DDI2: variants seen among roughly 807,000 people sequenced by gnomAD.
DDI2 encodes the protein DDI proteasomal shuttling factor 2, also known as protein DDI1 homolog 2.
A neutral mutation model predicts 48.1 loss-of-function variants in DDI2; 5 were observed. The observed-to-expected ratio is 0.10, with a 90% CI of 0.05 to 0.22. The LOEUF is 0.22. Ranked by LOEUF, DDI2 falls within the 10% of genes least tolerant of loss-of-function variation. The probability of loss-of-function intolerance (pLI) is 1.00; values close to 1 mark genes in which losing one functional copy is unlikely to be tolerated. For missense variants in DDI2, 285 were observed against 506.2 expected, an observed-to-expected ratio of 0.56 and a Z score of 4.19; for synonymous variants, 205 against 183.6, an observed-to-expected ratio of 1.12 and a Z score of -0.94.
chr1:15,659,923 C>A lies in DDI2; in HGVS notation c.*133C>A. On this transcript the variant is annotated 3_prime_UTR_variant, in exon 10 of 10. Transcript: ENST00000480945. ...TAACCATCCCGCCCGTTCTTCAGGA[C>A]AGAGTCCTGATGTTGGTAATCCTAT... 6.2e-7 allele frequency: 1 copy of A among 1,611,748 alleles called. No homozygotes were observed.
At chr1:15,653,798 G>C (rs1640229903) in intron 8 of DDI2, among the ~76,000 whole-genome samples, 4 of 152,092 alleles carry the variant, frequency 2.6e-5, no homozygotes, top group Admixed American at 2.6e-4. Flanking sequence ...TGCCTGACCA[G>C]CATAATTGAA....
At chr1:15,632,082 G>GCGTGAGCCACCACTCCCAGCT (rs1639855329) in intron 3 of DDI2, among the ~76,000 whole-genome samples, 2 of 151,990 alleles carry the variant, frequency 1.3e-5, no homozygotes, top group African/African-American at 4.8e-5. Flanking sequence ...GAGATTACAG[G>GCGTGAGCCACCACTCCCAGCT]CGTGAGCCAC....
chr1:15,641,551 A>G (rs1218255608), intron 5 of DDI2, among the ~76,000 whole-genome samples: 2 of 152,198 alleles, frequency 1.3e-5, no homozygotes, highest in African/African-American at 4.8e-5. Flanking sequence ...AAGGGTCACA[A>G]CAATATCCTT....
Position 15,666,876 on chromosome 1 carries a change from A to G in DDI2, c.*7086A>G, listed in dbSNP as rs1006444034. On this transcript the variant is annotated 3_prime_UTR_variant, in exon 10 of 10. Coordinates refer to ENST00000480945, the MANE Select transcript of DDI2 (RefSeq NM_032341.5). Reference sequence around the variant, plus strand: ...GCAGACTGGGAAAATCAGGCTTACAATGGAATCAGATGCTGTGGGCCTAAA... The same window carrying G: ...GCAGACTGGGAAAATCAGGCTTACAGTGGAATCAGATGCTGTGGGCCTAAA... 8 of 152,218 alleles carry G rather than the reference A, an allele frequency of 5.3e-5. No individual in the cohort carries two copies. The highest frequency in any genetic ancestry group is 1.9e-4 in the African/African-American group (8 of 41,462). The allele number at this position is 152,218 out of a possible 1,614,324, so 9.4% of individuals were successfully genotyped here. A position where few individuals can be genotyped will look rare whatever the true frequency, so the allele number is the denominator to read the frequency against.
intron 1 of DDI2, among the ~76,000 whole-genome samples, chr1:15,620,851 A>C (rs1414586883): frequency 1.3e-5 from 2 of 152,200 alleles, no homozygotes; most frequent in African/African-American, 4.8e-5. Flanking sequence ...AACTAAAATA[A>C]ATGGAAATGA....
Position 15,661,571 on chromosome 1 carries a change from C to G in DDI2, c.*1781C>G, listed in dbSNP as rs752233971. The G allele has an allele frequency of 8.1e-6, 13 of 1,614,218 alleles. No homozygotes were observed. In the South Asian group the frequency reaches 1.3e-4, roughly 16 times the overall value. ...CCATCATCAAGTCCTGCCATTCTTC[C>G]ACCATTGATTTTTCCTGCCACAGAT... is the stretch of plus-strand genomic sequence containing the variant. On this transcript the variant is annotated 3_prime_UTR_variant, in exon 10 of 10. Coordinates refer to ENST00000480945, the MANE Select transcript of DDI2 (RefSeq NM_032341.5).
intron 4 of DDI2, among the ~76,000 whole-genome samples, chr1:15,635,437 G>T (rs1174067931): frequency 2.0e-5 from 3 of 152,122 alleles, no homozygotes; most frequent in Non-Finnish European, 4.4e-5. Context: ...ACGGAGTCTT[G>T]CTCTGTCGCC....
chr1:15,646,077 G>T (rs1431640874), intron 6 of DDI2, among the ~76,000 whole-genome samples: 1 of 152,160 alleles, frequency 6.6e-6, no homozygotes, highest in Non-Finnish European at 1.5e-5. Flanking sequence ...GCTCACCTCT[G>T]TTAAGAGTGC....
intron 4 of DDI2, among the ~76,000 whole-genome samples, chr1:15,636,549 T>C (rs1341849007): frequency 6.6e-6 from 1 of 151,230 alleles, no homozygotes; most frequent in Non-Finnish European, 1.5e-5. Flanking sequence ...CCTAGCTCAC[T>C]GCAGCCTCAG....
At chr1:15,654,346 G>A (rs951477060) in intron 8 of DDI2, among the ~76,000 whole-genome samples, 1 of 152,078 alleles carries the variant, frequency 6.6e-6, no homozygotes, top group African/African-American at 2.4e-5. Flanking sequence ...TTTTGGCTTA[G>A]TTTTATGTAT....
In DDI2 at chr1:15,631,104, A is replaced by G. The variant is rs56897890; in HGVS notation, c.505+543A>G. On this transcript the variant is annotated intron_variant, in intron 3 of 9. Transcript: ENST00000480945. ...GTGATCCGCCTGCCTCGGCCTCCCA[A>G]AGTGCTGGGATTACAGGTGTGAGCC... 5.9e-3 allele frequency among the ~76,000 whole-genome samples: 899 copies of G among 152,262 alleles called. 9 individuals carry two copies. Among genetic ancestry groups the G allele is most frequent in the African/African-American group, 0.02 (846 of 41,546 alleles).
At chr1:15,642,392 A>G (rs988312911) in intron 5 of DDI2, among the ~76,000 whole-genome samples, 3 of 152,344 alleles carry the variant, frequency 2.0e-5, no homozygotes, top group Non-Finnish European at 4.4e-5. Flanking sequence ...GGAAGACTGC[A>G]TGATTTATTA....
Position 15,665,305 on chromosome 1 carries a change from A to C in DDI2, c.*5515A>C, listed in dbSNP as rs1245041429. 6.6e-6 allele frequency: 1 copy of C among 152,622 alleles called. No homozygotes were observed. Among genetic ancestry groups the C allele is most frequent in the African/African-American group, 2.4e-5 (1 of 41,196 alleles). The allele number at this position is 152,622 out of a possible 1,614,324, so 9.5% of individuals were successfully genotyped here. On this transcript the variant is annotated 3_prime_UTR_variant, in exon 10 of 10. Transcript: ENST00000480945. The stretch of plus-strand genomic sequence containing the variant: ...AGGTAACCAGTTGCTTGGCAAAGGA[A>C]GCTGGAGAGATGGCGAGTGCATGTG...
At chr1:15,624,123 A>C (rs1639715378) in intron 1 of DDI2, among the ~76,000 whole-genome samples, 1 of 152,206 alleles carries the variant, frequency 6.6e-6, no homozygotes, top group African/African-American at 2.4e-5. Context: ...GTATCTCTAA[A>C]TATACTGATA....
chr1:15,626,687 C>CCT lies in DDI2; in HGVS notation c.161_162dup (p.Thr55SerfsTer13). 6.2e-7 allele frequency: 1 copy of CCT among 1,614,046 alleles called. No homozygotes were observed. Among genetic ancestry groups the CCT allele is most frequent in the Non-Finnish European group, 8.5e-7 (1 of 1,179,986 alleles). On this transcript the variant is annotated frameshift_variant, in exon 2 of 10. Transcript: ENST00000480945. LOFTEE classifies it high-confidence loss of function. ...GTTGTAGATCGTCTATGCGGAAAGA[C>CCT]CTCTCACAGACAACCACAGATCATT...
At chr1:15,651,272 TA>T (rs1640177929) in intron 7 of DDI2, among the ~76,000 whole-genome samples, 1 of 152,200 alleles carries the variant, frequency 6.6e-6, no homozygotes, top group African/African-American at 2.4e-5. Context: ...TTTATAGATG[TA>T]AATCATATAT....
rs200908555 is a variant in DDI2, at chr1:15,661,499, C to T, written c.*1709C>T. 6.2e-7 allele frequency: 1 copy of T among 1,614,010 alleles called. No homozygotes were observed. Among genetic ancestry groups the T allele is most frequent in the Non-Finnish European group, 8.5e-7 (1 of 1,179,990 alleles). On this transcript the variant is annotated 3_prime_UTR_variant, in exon 10 of 10. Transcript: ENST00000480945. The stretch of plus-strand genomic sequence containing the variant: ...CCTGAAACCAGAGAAAATGTCTGTC[C>T]TGATGCTTCGAGGCCATTACTTGAA...
intron 1 of DDI2, among the ~76,000 whole-genome samples, chr1:15,620,538 T>C (rs1639642313): frequency 6.6e-6 from 1 of 152,146 alleles, no homozygotes; most frequent in Non-Finnish European, 1.5e-5. Context: ...CCTTCACCTC[T>C]CATTTCTGAT....
chr1:15,654,759 G>A (rs1640246180), intron 8 of DDI2, among the ~76,000 whole-genome samples: 1 of 152,008 alleles, frequency 6.6e-6, no homozygotes. Context: ...TTGTAGGAAG[G>A]GAGGAATTTT....
Sources: gnomAD v4.1 joint callset for allele counts (sites outside exome capture counted in the v4.1 genomes callset) on GRCh38, gnomAD v4.1.1 for gene constraint, MANE v1.5 for transcripts, NCBI Gene and HGNC (gene_info 2026-07-23, HGNC 2026-07-21) for gene names.